CORO1C: variants seen among roughly 807,000 people sequenced by gnomAD.
CORO1C encodes the protein coronin-1C.
Under a neutral mutation model 51.2 loss-of-function variants are expected in CORO1C, and 14 were observed. That is an observed-to-expected ratio of 0.27 (90% CI 0.18 to 0.43). The LOEUF (loss-of-function observed/expected upper bound fraction) is 0.43, where lower values mean the gene tolerates loss of function less well. Among genes scored for constraint, CORO1C ranks in the 20% least tolerant of loss-of-function variants. CORO1C has a pLI of 1.00. For synonymous variants in CORO1C, 181 were observed against 210.5 expected (o/e 0.86, Z 1.21); for missense variants, 417 against 607.8 (o/e 0.69, Z 3.30).
Position 108,658,777 on chromosome 12 carries a change from T to A in CORO1C, c.591A>T (p.Lys197Asn), listed in dbSNP as rs1188518761. ...GTTTCCTGGGATCAATGACTCTCACTTTCTTGTCTTTGGAAGCTGTGCAGA... is the reference window on the plus strand; with the variant it reads ...GTTTCCTGGGATCAATGACTCTCACATTCTTGTCTTTGGAAGCTGTGCAGA... ...SLICTASKDK[K>N]VRVIDPRKQE... is the part of the protein sequence containing the mutation. The change falls in exon 5 of 11, where the codon AAA becomes AAT. Residue 197 changes from lysine to asparagine, a missense_variant. Physicochemically the swap from Lys to Asn is moderately conservative, Grantham distance 94 (BLOSUM62 0). Coordinates refer to ENST00000261401, the MANE Select transcript of CORO1C (RefSeq NM_014325.4). This position sits in a 1 kb window ranked among gnomAD's most constrained non-coding sequence, Gnocchi z 4.9. The A allele has an allele frequency of 1.2e-6, 2 of 1,613,012 alleles. No individual in the cohort carries two copies. Among genetic ancestry groups the A allele is most frequent in the Non-Finnish European group, 8.5e-7 (1 of 1,178,976 alleles).
At chr12:108,687,600 C>T (rs1269308244) in intron 2 of CORO1C, among the ~76,000 whole-genome samples, 1 of 151,970 alleles carries the variant, frequency 6.6e-6, no homozygotes, top group East Asian at 1.9e-4. Context: ...GCCTGGCCAA[C>T]ATGATGAAAC....
intron 4 of CORO1C, among the ~76,000 whole-genome samples, 194 bp downstream of exon 4, chr12:108,661,835 A>ACACACACACGTG (rs1491184981): frequency 6.6e-6 from 1 of 151,114 alleles, no homozygotes; most frequent in African/African-American, 2.5e-5. Context: ...TGGCCTTGAA[A>ACACACACACGTG]CACACACACG....
In CORO1C at chr12:108,701,332, G is replaced by A. The variant is rs1428989165; in HGVS notation, c.-5-9C>T. ...CACTCGCCTCATCGTGTCTGCAAAG[G>A]AAGAGTGAGAATTATGTTAGAATTA... On this transcript the variant is annotated splice_polypyrimidine_tract_variant and intron_variant, in intron 1 of 10. Transcript: ENST00000261401. 8.7e-6 allele frequency: 14 copies of A among 1,614,112 alleles called. No individual in the cohort carries two copies. Among genetic ancestry groups the A allele is most frequent in the Admixed American group, 1.7e-5 (1 of 60,022 alleles).
intron 3 of CORO1C, among the ~76,000 whole-genome samples, chr12:108,671,346 G>C (rs575227415): frequency 3.3e-5 from 5 of 151,634 alleles, no homozygotes; most frequent in Admixed American, 3.3e-4. Context: ...GAAAAGGAGT[G>C]GGGGGAGGAA....
At chr12:108,682,515 T>C (rs17040859) in intron 2 of CORO1C, among the ~76,000 whole-genome samples, 3,193 of 152,282 alleles carry the variant, frequency 0.021, 335 homozygotes, top group Admixed American at 0.18. Flanking sequence ...CTGTAATTCA[T>C]CTAACCATAT....
intron 1 of CORO1C, among the ~76,000 whole-genome samples, chr12:108,721,233 A>G (rs568891421): frequency 4.6e-5 from 7 of 152,370 alleles, no homozygotes; most frequent in Middle Eastern, 6.8e-3. Flanking sequence ...ACTCTAACAT[A>G]TTGTATAAAT....
chr12:108,654,216 G>T, intron 7 of CORO1C, 90 bp downstream of exon 7: 1 of 856,856 alleles, frequency 1.2e-6, no homozygotes, highest in Non-Finnish European at 2.0e-6. Flanking sequence ...AAATTAAACA[G>T]ATACAACACA....
At chr12:108,661,847 GCA>G (rs1312432687) in intron 4 of CORO1C, among the ~76,000 whole-genome samples, 180 bp downstream of exon 4, 3 of 151,846 alleles carry the variant, frequency 2.0e-5, no homozygotes, top group Non-Finnish European at 4.4e-5. Flanking sequence ...ACACACACGT[GCA>G]CACACACACA....
chr12:108,693,465 A>G (rs910098150), intron 2 of CORO1C, among the ~76,000 whole-genome samples: 7 of 152,226 alleles, frequency 4.6e-5, no homozygotes, highest in African/African-American at 1.4e-4. Flanking sequence ...CAATGATTCT[A>G]AAATATAAAA....
intron 2 of CORO1C, among the ~76,000 whole-genome samples, chr12:108,680,373 G>A (rs1322955002): frequency 6.6e-6 from 1 of 152,136 alleles, no homozygotes; most frequent in Non-Finnish European, 1.5e-5. Context: ...ACCCAGTTTG[G>A]ATCTTCCAAA....
At chr12:108,689,810 A>G (rs1312469125) in intron 2 of CORO1C, among the ~76,000 whole-genome samples, 13 of 152,212 alleles carry the variant, frequency 8.5e-5, no homozygotes, top group Admixed American at 8.5e-4. Context: ...CCAAATTTCA[A>G]TCATAACTTA....
intron 8 of CORO1C, 162 bp from the exon 9 acceptor site, chr12:108,649,182 G>A (rs562307049): frequency 6.7e-4 from 501 of 745,230 alleles, no homozygotes; most frequent in Non-Finnish European, 8.3e-4. Flanking sequence ...TAGTGTTCCC[G>A]GTTGACAGAT....
Position 108,658,817 on chromosome 12 carries a change from C to A in CORO1C, c.551G>T (p.Arg184Leu). The change falls in exon 5 of 11, where the codon CGG (arginine) becomes CTG (leucine). Residue 184 changes from arginine (R) to leucine (L), a missense_variant. Coordinates refer to ENST00000261401, the MANE Select transcript of CORO1C (RefSeq NM_014325.4). This position sits in a 1 kb window ranked among gnomAD's most constrained non-coding sequence, Gnocchi z 4.9. Reference sequence around the variant, plus strand: ...AGCTGTGCAGATCAGACTGCCATTCCGGTTCCAGCTCACATTGTAAATCAT... The same window carrying A: ...AGCTGTGCAGATCAGACTGCCATTCAGGTTCCAGCTCACATTGTAAATCAT... ...SDMIYNVSWN[R>L]NGSLICTASK... 6.2e-7 allele frequency: 1 copy of A among 1,613,792 alleles called. No individual in the cohort carries two copies. The highest frequency in any genetic ancestry group is 8.5e-7 in the Non-Finnish European group (1 of 1,179,704).
At chr12:108,678,749 G>C (rs1334363750) in intron 2 of CORO1C, among the ~76,000 whole-genome samples, 1 of 147,408 alleles carries the variant, frequency 6.8e-6, no homozygotes, top group African/African-American at 2.5e-5. Flanking sequence ...CCTAAACCTT[G>C]GTATTATTCA....
chr12:108,670,605 C>T (rs2136823561), intron 3 of CORO1C, among the ~76,000 whole-genome samples: 1 of 152,114 alleles, frequency 6.6e-6, no homozygotes, highest in Middle Eastern at 3.4e-3. Flanking sequence ...AGAGGGAGTT[C>T]TGTGAAATTA....
chr12:108,724,442 C>G (rs1281341290), intron 1 of CORO1C, among the ~76,000 whole-genome samples: 1 of 152,180 alleles, frequency 6.6e-6, no homozygotes, highest in Non-Finnish European at 1.5e-5. Flanking sequence ...ATCTGTCAAG[C>G]TCCTGCCACC....
intron 1 of CORO1C, among the ~76,000 whole-genome samples, chr12:108,707,187 T>C (rs1221746499): frequency 6.6e-6 from 1 of 152,158 alleles, no homozygotes; most frequent in Admixed American, 6.5e-5. Context: ...ATGAAGGGAT[T>C]GATTGGAACT....
chr12:108,723,228 C>G (rs1042837885), intron 1 of CORO1C, among the ~76,000 whole-genome samples: 1 of 152,206 alleles, frequency 6.6e-6, no homozygotes, highest in African/African-American at 2.4e-5. Context: ...CGCACTTTCA[C>G]GTGTGTTCCT....
chr12:108,655,495 T>C (rs565007973), intron 6 of CORO1C, among the ~76,000 whole-genome samples: 3 of 152,096 alleles, frequency 2.0e-5, no homozygotes, highest in East Asian at 1.9e-4. Context: ...TTCTCCTGCC[T>C]CAGCCTGCTG....
Sources: gnomAD v4.1 joint callset for allele counts (sites outside exome capture counted in the v4.1 genomes callset) on GRCh38, gnomAD v4.1.1 for gene constraint, Gnocchi (gnomAD v3.1) non-coding constraint, MANE v1.5 for transcripts, NCBI Gene and HGNC (gene_info 2026-07-23, HGNC 2026-07-21) for gene names.